Variants in LYST observed in about 807,000 individuals in gnomAD.
LYST encodes the protein lysosomal trafficking regulator.
LYST carries 192 observed loss-of-function variants against 413.6 expected under a neutral mutation model. The observed-to-expected ratio is 0.46, with a 90% confidence interval of 0.41 to 0.52. The LOEUF (loss-of-function observed/expected upper bound fraction) is 0.52, where lower values mean the gene tolerates loss of function less well. LYST is among the 20% of genes least tolerant of loss of function. LYST has a pLI of 0.00. For missense variants in LYST, 3,815 were observed against 4,499.9 expected (o/e 0.85, Z 4.35); for synonymous variants, 1,525 against 1,567.3 (o/e 0.97, Z 0.64).
At chr1:235,743,091 G>C (rs774744333) in intron 30 of LYST, among the ~76,000 whole-genome samples, 5 of 152,086 alleles carry the variant, frequency 3.3e-5, no homozygotes, top group Non-Finnish European at 5.9e-5. Context: ...CATTCACCAG[G>C]GGTCCTGGAA....
intron 41 of LYST, among the ~76,000 whole-genome samples, 200 bp downstream of exon 41, chr1:235,716,512 C>G (rs966844729): frequency 6.6e-6 from 1 of 152,106 alleles, no homozygotes; most frequent in African/African-American, 2.4e-5. Context: ...TAAGTGTATT[C>G]TTTTTCTGGG....
chr1:235,791,599 G>A, intron 12 of LYST, 100 bp downstream of exon 12: 2 of 958,426 alleles, frequency 2.1e-6, no homozygotes, highest in Admixed American at 1.7e-5. Context: ...TGAAGAACAT[G>A]TTAAGAGTGT....
chr1:235,743,280 C>A (rs1262177056), intron 30 of LYST, among the ~76,000 whole-genome samples: 2 of 152,178 alleles, frequency 1.3e-5, no homozygotes. Flanking sequence ...GTTTTAAAAA[C>A]AGCTCCTCTC....
chr1:235,829,862 T>C (rs990200411), intron 3 of LYST: 1 of 179,308 alleles, frequency 5.6e-6, no homozygotes, highest in African/African-American at 2.4e-5. Context: ...TTCAAAAACA[T>C]ACTTGATATT....
intron 1 of LYST, among the ~76,000 whole-genome samples, chr1:235,842,603 G>T (rs1166755366): frequency 6.6e-6 from 1 of 152,230 alleles, no homozygotes; most frequent in Non-Finnish European, 1.5e-5. Context: ...TTTGCCGAAT[G>T]AATGGCGTGG....
At chr1:235,679,003 C>T (rs2103039632) in intron 48 of LYST, among the ~76,000 whole-genome samples, 1 of 152,206 alleles carries the variant, frequency 6.6e-6, no homozygotes, top group Non-Finnish European at 1.5e-5. Context: ...GCTATGTAGT[C>T]CAGTTACATA....
Position 235,724,055 on chromosome 1 carries a change from T to C in LYST, c.9288A>G (p.Thr3096=), listed in dbSNP as rs999343118. The change falls in exon 39 of 53, where the codon ACA becomes ACG. Residue 3096 remains threonine, a synonymous_variant. Coordinates refer to ENST00000389793, the MANE Select transcript of LYST (RefSeq NM_000081.4). ...AVEIFLTNGR[T]LLLAFDNTKV... ...TGGTGTTATCAAATGCCAACAGGAG[T>C]GTTCTGCCATTTGTTAGAAAGATTT... 1.2e-5 allele frequency: 20 copies of C among 1,613,578 alleles called. No individual in the cohort carries two copies. The Admixed American group carries it at 2.8e-4, about 23-fold the overall frequency.
intron 1 of LYST, among the ~76,000 whole-genome samples, chr1:235,877,855 C>CAA (rs59783076): frequency 0.37 from 41,745 of 113,206 alleles, 8,182 homozygotes; most frequent in African/African-American, 0.43. Context: ...TATCTGCCAC[C>CAA]AAAAAAAAAA....
Position 235,774,009 on chromosome 1 carries a change from T to C in LYST, c.5635-18A>G. 6.5e-7 allele frequency: 1 copy of C among 1,546,346 alleles called. No individual in the cohort carries two copies. The highest frequency in any genetic ancestry group is 2.2e-5 in the East Asian group (1 of 44,454). ...AGAAGGGTCTATAGAAAATTAGCAT[T>C]AATATAAGATGCATTAGTAATTGGT... On this transcript the variant is annotated intron_variant, in intron 18 of 52. Transcript: ENST00000389793.
chr1:235,679,740 A>T (rs1659663252), intron 48 of LYST, among the ~76,000 whole-genome samples: 1 of 151,964 alleles, frequency 6.6e-6, no homozygotes. Flanking sequence ...CTCCCATGCA[A>T]CTCATTTTCA....
chr1:235,794,748 G>A (rs935055773), intron 10 of LYST, among the ~76,000 whole-genome samples: 1 of 152,154 alleles, frequency 6.6e-6, no homozygotes, highest in Admixed American at 6.6e-5. Flanking sequence ...CTTGCAATGA[G>A]ACTATAAAAT....
Position 235,741,450 on chromosome 1 carries a change from A to C in LYST, c.8330T>G (p.Leu2777Arg). The change falls in exon 31 of 53, where the codon CTA becomes CGA. Residue 2777 changes from leucine to arginine, a missense_variant. By Grantham distance (102) the Leu-to-Arg change is moderately radical (BLOSUM62 -2). Around this residue, in one of 4 missense-constraint regions of LYST, gnomAD observed 771 missense variants for 837.1 expected, o/e 0.92. Coordinates refer to ENST00000389793, the MANE Select transcript of LYST (RefSeq NM_000081.4). ...TAGGGATGGGCTGAGACAGTCTCGTAGTATTTCCTGATGATTTGGTTCATG... is the reference window on the plus strand; with the variant it reads ...TAGGGATGGGCTGAGACAGTCTCGTCGTATTTCCTGATGATTTGGTTCATG... ...IVHEPNHQEI[L>R]RDCLSPSLQH... is the part of the protein sequence containing the mutation. The C allele has an allele frequency of 1.2e-6, 2 of 1,614,090 alleles. No individual in the cohort carries two copies. Among genetic ancestry groups the C allele is most frequent in the Non-Finnish European group, 1.7e-6 (2 of 1,179,962 alleles).
At chr1:235,684,864 A>T (rs1299702422) in intron 48 of LYST, among the ~76,000 whole-genome samples, 1 of 152,096 alleles carries the variant, frequency 6.6e-6, no homozygotes, top group Non-Finnish European at 1.5e-5. Flanking sequence ...TCTGGGCTCA[A>T]GCGATCTTCT....
At chr1:235,754,299 C>T (rs1666791510) in intron 25 of LYST, among the ~76,000 whole-genome samples, 1 of 132,804 alleles carries the variant, frequency 7.5e-6, no homozygotes, top group South Asian at 2.4e-4. Flanking sequence ...ATTGTGCAAT[C>T]CTGGCTCACT....
chr1:235,708,390 C>G (rs2103116240), intron 44 of LYST, among the ~76,000 whole-genome samples: 1 of 152,256 alleles, frequency 6.6e-6, no homozygotes, highest in Non-Finnish European at 1.5e-5. Flanking sequence ...AAAGAGTTAA[C>G]ATAGCAAGAT....
At chr1:235,734,439 A>G in intron 32 of LYST, 44 bp downstream of exon 32, 2 of 1,457,202 alleles carry the variant, frequency 1.4e-6, no homozygotes, top group Non-Finnish European at 1.9e-6. Flanking sequence ...TTCTTTATCT[A>G]TGATGGAATC....
At chr1:235,701,437 G>A (rs867143064) in intron 45 of LYST, among the ~76,000 whole-genome samples, 31 of 152,092 alleles carry the variant, frequency 2.0e-4, no homozygotes, top group African/African-American at 6.8e-4. Context: ...AGACCAGCCC[G>A]GCCAATATGG....
intron 1 of LYST, among the ~76,000 whole-genome samples, chr1:235,846,906 C>CA (rs1169630061): frequency 1.3e-5 from 2 of 152,008 alleles, no homozygotes; most frequent in African/African-American, 4.8e-5. Flanking sequence ...TAAGAATAAT[C>CA]AGTGTTCCTG....
chr1:235,696,776 G>A (rs182718383), intron 46 of LYST, among the ~76,000 whole-genome samples: 8 of 152,294 alleles, frequency 5.3e-5, no homozygotes, highest in African/African-American at 1.7e-4. Context: ...GGTCAAATAC[G>A]TCTGTCTATT....
Sources: gnomAD v4.1 joint callset for allele counts (sites outside exome capture counted in the v4.1 genomes callset) on GRCh38, gnomAD v4.1.1 for gene constraint, gnomAD v4.1.1 regional missense constraint, MANE v1.5 for transcripts, NCBI Gene and HGNC (gene_info 2026-07-23, HGNC 2026-07-21) for gene names.